ROCK1: variants seen among roughly 807,000 people sequenced by gnomAD.
ROCK1 encodes the protein Rho associated coiled-coil containing protein kinase 1, also known as rho-associated protein kinase 1.
Under a neutral mutation model 196.8 loss-of-function variants are expected in ROCK1, and 36 were observed. That is an observed-to-expected ratio of 0.18 (90% CI 0.14 to 0.24). ROCK1 has a LOEUF of 0.24. Among genes scored for constraint, ROCK1 ranks in the 10% least tolerant of loss-of-function variants. The pLI is 1.00. For missense variants in ROCK1, 920 were observed against 1,562.0 expected, an observed-to-expected ratio of 0.59 and a Z score of 6.93; for synonymous variants, 443 against 515.9, an observed-to-expected ratio of 0.86 and a Z score of 1.91.
intron 1 of ROCK1, among the ~76,000 whole-genome samples, chr18:21,087,694 T>C (rs1568406528): frequency 6.6e-6 from 1 of 151,468 alleles, no homozygotes; most frequent in Non-Finnish European, 1.5e-5. Context: ...CTGACAAAAA[T>C]GAAAAGAGAA....
chr18:21,053,098 C>T (rs2036217606), intron 2 of ROCK1, among the ~76,000 whole-genome samples: 3 of 152,122 alleles, frequency 2.0e-5, no homozygotes, highest in African/African-American at 7.2e-5. Flanking sequence ...ACTATTGATG[C>T]CACTCCCAAT....
At chr18:21,083,878 G>A (rs2036503372) in intron 1 of ROCK1, among the ~76,000 whole-genome samples, 1 of 152,140 alleles carries the variant, frequency 6.6e-6, no homozygotes, top group African/African-American at 2.4e-5. Context: ...CAAATGTATG[G>A]AGAGAGGGTA....
chr18:21,010,601 C>T (rs1370600797), intron 13 of ROCK1, among the ~76,000 whole-genome samples: 2 of 152,144 alleles, frequency 1.3e-5, no homozygotes, highest in African/African-American at 4.8e-5. Flanking sequence ...GATTTCAGTG[C>T]TTTCAAATGT....
chr18:21,072,173 A>G (rs2143553556), intron 1 of ROCK1, among the ~76,000 whole-genome samples: 1 of 152,332 alleles, frequency 6.6e-6, no homozygotes, highest in Non-Finnish European at 1.5e-5. Flanking sequence ...TGCGTGACCA[A>G]GTATTTGATC....
chr18:20,997,550 A>C (rs2035682580), intron 16 of ROCK1, among the ~76,000 whole-genome samples: 1 of 152,132 alleles, frequency 6.6e-6, no homozygotes, highest in Non-Finnish European at 1.5e-5. Flanking sequence ...GGAGACTTCA[A>C]CTCCTCACTT....
intron 21 of ROCK1, among the ~76,000 whole-genome samples, chr18:20,981,404 AG>A (rs1032249017): frequency 1.3e-5 from 2 of 152,208 alleles, no homozygotes; most frequent in Non-Finnish European, 2.9e-5. Context: ...CAAAAAAAAA[AG>A]AAATATCCAC....
chr18:20,956,008 A>C (rs2035238315), intron 29 of ROCK1, among the ~76,000 whole-genome samples: 1 of 152,218 alleles, frequency 6.6e-6, no homozygotes, highest in African/African-American at 2.4e-5. Context: ...ATTGTTCTGT[A>C]TTTTGAGTGT....
intron 20 of ROCK1, among the ~76,000 whole-genome samples, chr18:20,984,106 A>T (rs1255092315): frequency 1.3e-5 from 2 of 152,238 alleles, no homozygotes; most frequent in Non-Finnish European, 2.9e-5. Context: ...TGATTTTTGT[A>T]ATTCTAACCT....
chr18:21,012,200 C>T (rs2035825298), intron 13 of ROCK1, among the ~76,000 whole-genome samples: 1 of 152,222 alleles, frequency 6.6e-6, no homozygotes, highest in African/African-American at 2.4e-5. Context: ...ATCTGCTCGC[C>T]TCAGCCTCCC....
intron 19 of ROCK1, among the ~76,000 whole-genome samples, chr18:20,984,851 T>C (rs976042980): frequency 6.6e-6 from 1 of 152,112 alleles, no homozygotes; most frequent in Non-Finnish European, 1.5e-5. Context: ...CAGTGGTTTA[T>C]GTCTGTAATC....
Position 20,991,338 on chromosome 18 carries a change from G to C in ROCK1, c.1993-12C>G. The C allele has an allele frequency of 1.3e-6, 2 of 1,564,614 alleles. No homozygotes were observed. Among genetic ancestry groups the C allele is most frequent in the Non-Finnish European group, 1.7e-6 (2 of 1,146,334 alleles). On this transcript the variant is annotated splice_polypyrimidine_tract_variant and intron_variant, in intron 17 of 32. Coordinates refer to ENST00000399799, the MANE Select transcript of ROCK1 (RefSeq NM_005406.3). ...AAATTATTCTTTTCCTGTAAAATGG[G>C]AGTAGGAGTCATGTAATAAACTGTG...
At chr18:21,099,469 C>T (rs1229023563) in intron 1 of ROCK1, among the ~76,000 whole-genome samples, 1 of 152,188 alleles carries the variant, frequency 6.6e-6, no homozygotes, top group East Asian at 1.9e-4. Flanking sequence ...ATGGGCCTGG[C>T]ACAGTAGCTC....
intron 1 of ROCK1, among the ~76,000 whole-genome samples, chr18:21,108,698 C>T (rs770857284): frequency 1.8e-4 from 28 of 152,118 alleles, no homozygotes; most frequent in Non-Finnish European, 3.2e-4. Context: ...CATTCTCATG[C>T]CCCAATTTTG....
intron 12 of ROCK1, among the ~76,000 whole-genome samples, chr18:21,018,287 C>T (rs777730549): frequency 6.6e-5 from 10 of 151,976 alleles, no homozygotes; most frequent in East Asian, 1.9e-4. Flanking sequence ...CCCAACACTT[C>T]GGGAGGCTGA....
intron 19 of ROCK1, among the ~76,000 whole-genome samples, chr18:20,985,498 A>C (rs1265792788): frequency 1.3e-5 from 2 of 152,102 alleles, no homozygotes; most frequent in Non-Finnish European, 2.9e-5. Context: ...GTAACTCCCA[A>C]ATGTGATTAG....
chr18:20,949,529 C>T lies in ROCK1; in HGVS notation c.*1855G>A, dbSNP rs2035162087. 6.6e-6 allele frequency: 1 copy of T among 152,244 alleles called. No individual in the cohort carries two copies. 9.4% of individuals were successfully genotyped at this position (152,244 alleles called of 1,614,324 possible). A position where few individuals can be genotyped will look rare whatever the true frequency, so the allele number is the denominator to read the frequency against. ...TTTATTATACTGGACAGTAAAAGAA[C>T]CCGACATCCTCACAAGGGAGAACTC... On this transcript the variant is annotated 3_prime_UTR_variant, in exon 33 of 33. Transcript: ENST00000399799.
At position 20,950,483 on chromosome 18, in the gene ROCK1, G is replaced by C. The variant is rs1208374493; in HGVS notation, c.*901C>G. On this transcript the variant is annotated 3_prime_UTR_variant, in exon 33 of 33. Transcript: ENST00000399799. ...AAGGACAATGCAACCCCCATTGAAA[G>C]TGTTCTAAGAATAATTTACATTTCA... 1 of 152,180 alleles carries C rather than the reference G, an allele frequency of 6.6e-6. No individual in the cohort carries two copies. Among genetic ancestry groups the C allele is most frequent in the Non-Finnish European group, 1.5e-5 (1 of 67,944 alleles). The allele number at this position is 152,180 out of a possible 1,614,324, so 9.4% of individuals were successfully genotyped here.
chr18:21,057,442 T>C (rs1316604771), intron 2 of ROCK1, among the ~76,000 whole-genome samples: 1 of 152,218 alleles, frequency 6.6e-6, no homozygotes, highest in Non-Finnish European at 1.5e-5. Context: ...GCTTCTGGGT[T>C]ACCAAAAATT....
intron 9 of ROCK1, among the ~76,000 whole-genome samples, chr18:21,036,189 G>T (rs1264062890): frequency 6.6e-6 from 1 of 152,146 alleles, no homozygotes; most frequent in Non-Finnish European, 1.5e-5. Flanking sequence ...TATTCACAAA[G>T]CCCACATTGA....
Sources: allele counts gnomAD v4.1 joint callset (sites outside exome capture counted in the v4.1 genomes callset), GRCh38; gene constraint gnomAD v4.1.1; transcripts MANE v1.5; gene names NCBI Gene and HGNC (gene_info 2026-07-23, HGNC 2026-07-21).